The following FBXW11 variants were observed in gnomAD, a reference collection of about 807,000 sequenced individuals.
The protein encoded by FBXW11 is F-box and WD repeat domain containing 11, also known as F-box/WD repeat-containing protein 11.
FBXW11 carries 19 observed loss-of-function variants against 77.6 expected under a neutral mutation model. That is an observed-to-expected ratio of 0.24 (90% CI 0.17 to 0.36). The LOEUF (loss-of-function observed/expected upper bound fraction) is 0.36, where lower values mean the gene tolerates loss of function less well. FBXW11 is among the 10% of genes least tolerant of loss of function. FBXW11 has a pLI of 1.00. For missense variants in FBXW11, 334 were observed against 704.2 expected (o/e 0.47, Z 5.95); for synonymous variants, 235 against 249.4 (o/e 0.94, Z 0.54).
intron 1 of FBXW11, among the ~76,000 whole-genome samples, chr5:171,988,643 G>C (rs1472507331): frequency 4.0e-5 from 6 of 150,734 alleles, no homozygotes; most frequent in Non-Finnish European, 8.9e-5. Flanking sequence ...TCAGGAGTTT[G>C]AGACCAGTCT....
At chr5:172,002,304 T>C (rs1448708364) in intron 1 of FBXW11, among the ~76,000 whole-genome samples, 1 of 152,188 alleles carries the variant, frequency 6.6e-6, no homozygotes, top group Non-Finnish European at 1.5e-5. Context: ...TGTTTATCCA[T>C]GTCAAATCTG....
At chr5:171,946,185 GC>G (rs1303667629) in intron 2 of FBXW11, among the ~76,000 whole-genome samples, 6 of 152,136 alleles carry the variant, frequency 3.9e-5, no homozygotes, top group Non-Finnish European at 5.9e-5. Flanking sequence ...CAGCCTAATG[GC>G]CTGTCTCATA....
chr5:172,002,696 C>CTTTTTTTTTTTTTTTTTTTTTT (rs34300477), intron 1 of FBXW11, among the ~76,000 whole-genome samples: 17 of 97,050 alleles, frequency 1.8e-4, no homozygotes, highest in African/African-American at 2.8e-4. Flanking sequence ...TTTTTCTTTT[C>CTTTTTTTTTTTTTTTTTTTTTT]TTTTTTTTTT....
At chr5:171,954,442 C>T (rs938141050) in intron 2 of FBXW11, among the ~76,000 whole-genome samples, 15 of 152,094 alleles carry the variant, frequency 9.9e-5, no homozygotes, top group African/African-American at 2.7e-4. Context: ...ATAGAAAGAA[C>T]GTGGAAAATA....
intron 6 of FBXW11, among the ~76,000 whole-genome samples, chr5:171,893,359 C>T (rs867327223): frequency 1.5e-5 from 2 of 132,884 alleles, no homozygotes; most frequent in South Asian, 5.1e-4. Flanking sequence ...AACTTCCTAG[C>T]CTGGGTCATC....
intron 2 of FBXW11, among the ~76,000 whole-genome samples, chr5:171,944,574 C>CAAAA (rs34106047): frequency 1.0e-3 from 79 of 79,168 alleles, no homozygotes; most frequent in Admixed American, 1.7e-3. Context: ...GACTCCATCT[C>CAAAA]AAAAAAAAAA....
chr5:172,002,618 GA>G (rs917192851), intron 1 of FBXW11, among the ~76,000 whole-genome samples: 18 of 114,824 alleles, frequency 1.6e-4, no homozygotes, highest in Non-Finnish European at 1.9e-4. Flanking sequence ...ATGACAGGAA[GA>G]AAAAAAAAAG....
intron 1 of FBXW11, among the ~76,000 whole-genome samples, chr5:171,969,349 A>G (rs1427291285): frequency 2.6e-5 from 4 of 152,182 alleles, no homozygotes; most frequent in African/African-American, 9.7e-5. Context: ...TTTTTCTAAG[A>G]AGAGATACCA....
intron 1 of FBXW11, among the ~76,000 whole-genome samples, chr5:171,972,486 G>A (rs1280261653): frequency 1.7e-5 from 2 of 114,462 alleles, no homozygotes; most frequent in East Asian, 5.9e-4. Flanking sequence ...GGGCAACAGA[G>A]TGAGACTCTG....
Position 171,869,856 on chromosome 5 carries a change from T to C in FBXW11, c.1452-49A>G. 2 of 1,298,996 alleles carry C rather than the reference T, an allele frequency of 1.5e-6. No individual in the cohort carries two copies. Among genetic ancestry groups the C allele is most frequent in the Non-Finnish European group, 1.1e-6 (1 of 918,566 alleles). 80.5% of individuals were successfully genotyped at this position (1,298,996 alleles called of 1,614,324 possible). A position where few individuals can be genotyped will look rare whatever the true frequency, so the allele number is the denominator to read the frequency against. Reference sequence around the variant, plus strand: ...TTAGTGGAAAAGTGAACAATTTATATGCTGTCAAACATTTCCTTGAAAAAA... The same window carrying C: ...TTAGTGGAAAAGTGAACAATTTATACGCTGTCAAACATTTCCTTGAAAAAA... On this transcript the variant is annotated intron_variant, in intron 11 of 13. Coordinates refer to ENST00000517395, the MANE Select transcript of FBXW11 (RefSeq NM_001378974.1). The surrounding 1 kb of genome is among the most constrained non-coding windows in gnomAD (Gnocchi z 4.1).
intron 2 of FBXW11, among the ~76,000 whole-genome samples, chr5:171,920,765 T>A (rs1232671277): frequency 6.6e-6 from 1 of 152,216 alleles, no homozygotes; most frequent in African/African-American, 2.4e-5. Context: ...TGTGTTTTTT[T>A]AATATGATAA....
At chr5:171,878,678 T>G (rs1758300077) in intron 7 of FBXW11, among the ~76,000 whole-genome samples, 1 of 149,318 alleles carries the variant, frequency 6.7e-6, no homozygotes, top group Non-Finnish European at 1.5e-5. Flanking sequence ...TAGTCCCAAC[T>G]ACTCAGGAGG....
In FBXW11 at chr5:171,998,690, G is replaced by A. The variant is rs563783058; in HGVS notation, c.45+7768C>T. Among the ~76,000 whole-genome samples, 18 of 151,274 alleles carry A rather than the reference G, an allele frequency of 1.2e-4. No individual in the cohort carries two copies. The South Asian group carries it at 2.7e-3, about 23-fold the overall frequency. ...CACATGCCTACAATCCCAGCTACTC[G>A]GGAGGCTGAGGAAGGAGAATCACTT... On this transcript the variant is annotated intron_variant, in intron 1 of 13. Transcript: ENST00000517395.
intron 13 of FBXW11, 95 bp downstream of exon 13, chr5:171,868,515 G>T: frequency 9.9e-7 from 1 of 1,012,558 alleles, no homozygotes; most frequent in Non-Finnish European, 1.5e-6. Context: ...AGAGACCTTG[G>T]TTCACACATC....
At chr5:171,945,689 A>C (rs985880784) in intron 2 of FBXW11, among the ~76,000 whole-genome samples, 19 of 152,194 alleles carry the variant, frequency 1.2e-4, no homozygotes, top group Admixed American at 1.2e-3. Flanking sequence ...TGCAAGTAGA[A>C]ACGTATCACA....
At chr5:171,877,718 C>T (rs571871270) in intron 8 of FBXW11, among the ~76,000 whole-genome samples, 1 of 152,248 alleles carries the variant, frequency 6.6e-6, no homozygotes, top group African/African-American at 2.4e-5. Flanking sequence ...TGAGTGTCTC[C>T]TCTCTGCTCT....
At chr5:171,967,244 CAAAAT>C (rs1184645025) in intron 1 of FBXW11, among the ~76,000 whole-genome samples, 3 of 151,958 alleles carry the variant, frequency 2.0e-5, no homozygotes, top group Non-Finnish European at 2.9e-5. Context: ...ATCAAGGAGA[CAAAAT>C]AAAGAAATGT....
At chr5:171,995,803 C>A (rs1039546094) in intron 1 of FBXW11, among the ~76,000 whole-genome samples, 2 of 152,006 alleles carry the variant, frequency 1.3e-5, no homozygotes, top group African/African-American at 4.8e-5. Flanking sequence ...AAACAATGAC[C>A]CACCATGTGT....
chr5:171,866,023 A>C (rs1048173288), intron 13 of FBXW11, among the ~76,000 whole-genome samples: 13 of 152,258 alleles, frequency 8.5e-5, no homozygotes, highest in Non-Finnish European at 1.3e-4. Context: ...CCAGCACTTC[A>C]GGAGTCTGAG....
Sources: allele counts gnomAD v4.1 joint callset (sites outside exome capture counted in the v4.1 genomes callset), GRCh38; gene constraint gnomAD v4.1.1; non-coding constraint Gnocchi (gnomAD v3.1); transcripts MANE v1.5; gene names NCBI Gene and HGNC (gene_info 2026-07-23, HGNC 2026-07-21).